The following FMN1 variants were observed in gnomAD, a reference collection of about 807,000 sequenced individuals.
FMN1 encodes formin-1.
A neutral mutation model predicts 132.4 loss-of-function variants in FMN1; 110 were observed. The observed-to-expected ratio is 0.83, with a 90% CI of 0.71 to 0.97. The LOEUF is 0.97. Ranked by LOEUF, FMN1 falls within the 50% of genes least tolerant of loss-of-function variation. FMN1 has a pLI of 0.00. For synonymous variants in FMN1, 722 were observed against 651.7 expected (o/e 1.11, Z -1.64); for missense variants, 1,792 against 1,705.3 (o/e 1.05, Z -0.90).
chr15:32,871,483 G>A (rs550387470), intron 16 of FMN1, among the ~76,000 whole-genome samples: 1 of 152,288 alleles, frequency 6.6e-6, no homozygotes, highest in East Asian at 1.9e-4. Context: ...AGGTAGGCAT[G>A]CCATAGCTCA....
chr15:32,766,078 C>A lies in FMN1; in HGVS notation c.*8232G>T, dbSNP rs1247238734. On this transcript the variant is annotated 3_prime_UTR_variant, in exon 21 of 21. Transcript: ENST00000616417. ...ATGTCTTTAAAGGGCCTTCTCCTTTCCCCAACTGTCTTCATTACTGCCTAC... is the reference window on the plus strand; with the variant it reads ...ATGTCTTTAAAGGGCCTTCTCCTTTACCCAACTGTCTTCATTACTGCCTAC... 6.6e-6 allele frequency: 1 copy of A among 152,194 alleles called. No individual in the cohort carries two copies. The highest frequency in any genetic ancestry group is 1.5e-5 in the Non-Finnish European group (1 of 68,038). The allele number at this position is 152,194 out of a possible 1,614,324, so 9.4% of individuals were successfully genotyped here.
At chr15:32,807,486 T>C (rs886549323) in intron 17 of FMN1, among the ~76,000 whole-genome samples, 7 of 152,234 alleles carry the variant, frequency 4.6e-5, no homozygotes, top group Admixed American at 3.9e-4. Flanking sequence ...TTTTAAGTTA[T>C]GTGCATAGCC....
In FMN1 at chr15:32,910,496, G is replaced by T; in HGVS notation, c.3266C>A (p.Thr1089Asn). 6.3e-7 allele frequency: 1 copy of T among 1,580,636 alleles called. No individual in the cohort carries two copies. The highest frequency in any genetic ancestry group is 2.3e-5 in the East Asian group (1 of 43,336). The change falls in exon 11 of 21, where the codon ACC (threonine) becomes AAC (asparagine). Residue 1089 changes from threonine to asparagine, a missense_variant. Physicochemically the swap from Thr to Asn is moderately conservative, Grantham distance 65. Coordinates refer to ENST00000616417, the MANE Select transcript of FMN1 (RefSeq NM_001277313.2). ...CACGTTTTCATATAAGGCTGCCAGG[G>T]TCTCCAGATCAACCACGGAGTCATC... ...NVDDSVVDLETLAALYENRAQ... is the reference protein window; with the variant it reads ...NVDDSVVDLENLAALYENRAQ...
rs1469345312 is a variant in FMN1 at position 32,930,978 on chromosome 15, C to T, written c.3139-4717G>A. 2.0e-5 allele frequency among the ~76,000 whole-genome samples: 3 copies of T among 152,076 alleles called. No homozygotes were observed. The East Asian group carries it at 5.8e-4, about 29-fold the overall frequency. On this transcript the variant is annotated intron_variant, in intron 9 of 20. Transcript: ENST00000616417. ...TTTCCACATTGTACAGTCTTGGCAC[C>T]CTTGTCAAAGAACATTTGCCTGTAT...
chr15:32,954,563 A>G (rs2061722414), intron 9 of FMN1, among the ~76,000 whole-genome samples: 1 of 151,958 alleles, frequency 6.6e-6, no homozygotes. Context: ...TTAGGGTCAG[A>G]GTCAGAATTA....
chr15:33,173,938 AAAAG>A lies in FMN1; in HGVS notation c.-132+6256_-132+6259del, dbSNP rs200570710. Among the ~76,000 whole-genome samples, 21 of 149,438 alleles carry A rather than the reference AAAAG, an allele frequency of 1.4e-4. 1 individual carries two copies. Among genetic ancestry groups the A allele is most frequent in the Admixed American group, 8.6e-4 (13 of 15,080 alleles). ...GCCTCTGTCTCAAATAAAAAATTAA[AAAAG>A]AAAGAAAGAAAGAAAGAAACTTCAG... On this transcript the variant is annotated intron_variant, in intron 3 of 20. Transcript: ENST00000616417.
intron 8 of FMN1, among the ~76,000 whole-genome samples, chr15:32,967,584 G>A (rs1005167233): frequency 6.6e-6 from 1 of 152,146 alleles, no homozygotes; most frequent in African/African-American, 2.4e-5. Flanking sequence ...ACTTTTTTAT[G>A]AACCATTCAT....
Position 32,901,903 on chromosome 15 carries a change from A to G in FMN1, c.3507+8T>C. The G allele has an allele frequency of 6.2e-7, 1 of 1,601,130 alleles. No individual in the cohort carries two copies. Among genetic ancestry groups the G allele is most frequent in the African/African-American group, 1.3e-5 (1 of 74,218 alleles). ...AAGGCTATCTTTTAAATTAGACAGT[A>G]AACATACCTTAGAAGCTCGCGTGAT... On this transcript the variant is annotated splice_region_variant and intron_variant, in intron 13 of 20. Coordinates refer to ENST00000616417, the MANE Select transcript of FMN1 (RefSeq NM_001277313.2).
chr15:33,016,944 T>C (rs2140991125), intron 6 of FMN1, among the ~76,000 whole-genome samples: 1 of 152,314 alleles, frequency 6.6e-6, no homozygotes, highest in South Asian at 2.1e-4. Context: ...TGGACCAGCT[T>C]GAGAGGCCTG....
At chr15:33,103,414 A>G (rs527781243) in intron 4 of FMN1, among the ~76,000 whole-genome samples, 3 of 152,238 alleles carry the variant, frequency 2.0e-5, no homozygotes, top group African/African-American at 4.8e-5. Context: ...ATGGACTCAG[A>G]GCAGTGCCTG....
chr15:32,781,562 C>T (rs1323994012), intron 19 of FMN1, among the ~76,000 whole-genome samples: 2 of 152,158 alleles, frequency 1.3e-5, no homozygotes, highest in African/African-American at 2.4e-5. Flanking sequence ...GGGCCAGATC[C>T]GGCTCATAGG....
intron 19 of FMN1, among the ~76,000 whole-genome samples, chr15:32,788,776 A>G (rs1249299099): frequency 6.6e-6 from 1 of 152,224 alleles, no homozygotes; most frequent in Non-Finnish European, 1.5e-5. Flanking sequence ...AGCTCCAAAG[A>G]GGTTTGAGGC....
chr15:32,990,378 A>G (rs1391746414), intron 7 of FMN1, among the ~76,000 whole-genome samples: 2 of 152,178 alleles, frequency 1.3e-5, no homozygotes, highest in South Asian at 2.1e-4. Flanking sequence ...GAGGATGTCA[A>G]CACTGACTCT....
rs1408524926 is a variant in FMN1 at position 32,769,146 on chromosome 15, CAGTT to C, written c.*5160_*5163del. On this transcript the variant is annotated 3_prime_UTR_variant, in exon 21 of 21. Transcript: ENST00000616417. ...AGAAATTGCATAGTGGCTTAAGAGACAGTTAGCCAGCTGCCATTTTAATATCTTC... is the reference window on the plus strand; with the variant it reads ...AGAAATTGCATAGTGGCTTAAGAGACAGCCAGCTGCCATTTTAATATCTTC... The C allele has an allele frequency of 2.6e-5, 4 of 152,184 alleles. No homozygotes were observed. The highest frequency in any genetic ancestry group is 4.8e-5 in the African/African-American group (2 of 41,438). The allele number at this position is 152,184 out of a possible 1,614,324, so 9.4% of individuals were successfully genotyped here.
intron 4 of FMN1, among the ~76,000 whole-genome samples, chr15:33,140,482 C>T (rs1278480841): frequency 6.6e-6 from 1 of 152,098 alleles, no homozygotes; most frequent in African/African-American, 2.4e-5. Context: ...TTCCCCCATC[C>T]GATGTTGATT....
intron 2 of FMN1, among the ~76,000 whole-genome samples, chr15:33,184,830 T>C (rs1457835799): frequency 6.6e-6 from 1 of 152,214 alleles, no homozygotes; most frequent in Non-Finnish European, 1.5e-5. Flanking sequence ...TTTACTTATG[T>C]TGCAAATCGT....
intron 4 of FMN1, chr15:33,151,478 G>C: frequency 8.2e-7 from 1 of 1,224,584 alleles, no homozygotes; most frequent in South Asian, 1.4e-5. Context: ...CTCACGGTCA[G>C]TCTCCAACAG....
chr15:32,820,087 C>G (rs1244534120), intron 17 of FMN1, among the ~76,000 whole-genome samples: 1 of 152,106 alleles, frequency 6.6e-6, no homozygotes, highest in Non-Finnish European at 1.5e-5. Flanking sequence ...CAGACGACTT[C>G]CAACCAAAAT....
chr15:33,116,101 A>G (rs1308579945), intron 4 of FMN1, among the ~76,000 whole-genome samples: 1 of 152,224 alleles, frequency 6.6e-6, no homozygotes, highest in Non-Finnish European at 1.5e-5. Context: ...CCTGAGTTTT[A>G]GCTATGTCCC....
Sources: allele counts gnomAD v4.1 joint callset (sites outside exome capture counted in the v4.1 genomes callset), GRCh38; gene constraint gnomAD v4.1.1; transcripts MANE v1.5; gene names NCBI Gene and HGNC (gene_info 2026-07-23, HGNC 2026-07-21).